The following SHANK2 variants were observed in gnomAD, a reference collection of about 807,000 sequenced individuals.
SHANK2 encodes SH3 and multiple ankyrin repeat domains 2, also known as SH3 and multiple ankyrin repeat domains protein 2.
SHANK2 carries 43 observed loss-of-function variants against 133.7 expected under a neutral mutation model. The ratio of observed to expected loss-of-function variants is 0.32; its 90% CI spans 0.25 to 0.41. The LOEUF (loss-of-function observed/expected upper bound fraction) is 0.41. SHANK2 is among the 10% of genes least tolerant of loss of function. The probability of loss-of-function intolerance (pLI) is 1.00; values close to 1 mark genes in which losing one functional copy is unlikely to be tolerated. For missense variants in SHANK2, 1,994 were observed against 2,235.8 expected (o/e 0.89, Z 2.18); for synonymous variants, 1,017 against 952.8 (o/e 1.07, Z -1.24).
At chr11:70,766,833 G>A (rs1483507068) in intron 14 of SHANK2, among the ~76,000 whole-genome samples, 11 of 152,228 alleles carry the variant, frequency 7.2e-5, no homozygotes, top group Non-Finnish European at 1.6e-4. Flanking sequence ...TGGAAAAGTA[G>A]GCTGCTGGAA....
At chr11:70,670,764 G>A (rs1944784542) in intron 15 of SHANK2, among the ~76,000 whole-genome samples, 1 of 152,226 alleles carries the variant, frequency 6.6e-6, no homozygotes, top group South Asian at 2.1e-4. Flanking sequence ...CGGCCAGCCT[G>A]CTCCTGGGGA....
At chr11:70,919,468 G>A (rs577883611) in intron 10 of SHANK2, among the ~76,000 whole-genome samples, 24 of 151,174 alleles carry the variant, frequency 1.6e-4, no homozygotes, top group Non-Finnish European at 2.5e-4. Flanking sequence ...TGCAACCTCC[G>A]CCTCCCAGGT....
chr11:71,080,818 C>T (rs892990502), intron 8 of SHANK2, among the ~76,000 whole-genome samples: 3 of 152,318 alleles, frequency 2.0e-5, no homozygotes, highest in East Asian at 1.9e-4. Flanking sequence ...CCGCATACCA[C>T]GGTTTTCAAA....
At chr11:70,637,631 G>T (rs1475675373) in intron 17 of SHANK2, among the ~76,000 whole-genome samples, 1 of 152,234 alleles carries the variant, frequency 6.6e-6, no homozygotes, top group African/African-American at 2.4e-5. Context: ...GCTCAGGAAG[G>T]CCGGGGCACA....
intron 17 of SHANK2, among the ~76,000 whole-genome samples, chr11:70,505,858 C>T (rs1052495085): frequency 4.6e-5 from 7 of 151,974 alleles, no homozygotes; most frequent in African/African-American, 7.3e-5. Context: ...CTAACCATCA[C>T]GGCCTTGGGC....
At chr11:71,094,075 C>T (rs1951563892) in intron 7 of SHANK2, among the ~76,000 whole-genome samples, 1 of 152,038 alleles carries the variant, frequency 6.6e-6, no homozygotes, top group African/African-American at 2.4e-5. Context: ...CCATGTGGCT[C>T]TGTGTCCCCT....
chr11:71,107,480 C>T (rs781994635), intron 6 of SHANK2, among the ~76,000 whole-genome samples: 8 of 152,160 alleles, frequency 5.3e-5, no homozygotes, highest in Admixed American at 2.6e-4. Flanking sequence ...GGCTTGTCAT[C>T]GTGGGAATAT....
At chr11:70,531,365 A>G (rs2059467929) in intron 17 of SHANK2, among the ~76,000 whole-genome samples, 2 of 152,084 alleles carry the variant, frequency 1.3e-5, no homozygotes, top group Admixed American at 1.3e-4. Flanking sequence ...GGGGTCTTGG[A>G]GGATCAAATG....
intron 2 of SHANK2, among the ~76,000 whole-genome samples, chr11:71,185,659 G>A (rs527259083): frequency 6.6e-6 from 1 of 152,256 alleles, no homozygotes; most frequent in African/African-American, 2.4e-5. Context: ...GACTGACATG[G>A]TCCTGGGTTG....
chr11:70,502,303 AG>A lies in SHANK2; in HGVS notation c.2198-18del. On this transcript the variant is annotated intron_variant, in intron 18 of 25. Transcript: ENST00000601538. ...GCGGGGGAGCTGGAGGGCAGAGGAG[AG>A]ATGGGTGTGAGACCCCAGCCCATGT... is the stretch of plus-strand genomic sequence containing the variant. 1 of 1,549,902 alleles carries A rather than the reference AG, an allele frequency of 6.5e-7. No individual in the cohort carries two copies.
chr11:70,720,657 C>T (rs1229287425), intron 14 of SHANK2, among the ~76,000 whole-genome samples: 3 of 152,220 alleles, frequency 2.0e-5, no homozygotes, highest in African/African-American at 7.2e-5. Context: ...TCTCTAATTA[C>T]CCAGAAACAT....
At chr11:71,162,303 G>C (rs1953037501) in intron 2 of SHANK2, among the ~76,000 whole-genome samples, 1 of 152,208 alleles carries the variant, frequency 6.6e-6, no homozygotes, top group Non-Finnish European at 1.5e-5. Context: ...CACATGGTGA[G>C]AGGGTGAGAT....
intron 17 of SHANK2, among the ~76,000 whole-genome samples, chr11:70,576,974 G>A (rs919694187): frequency 6.6e-6 from 1 of 152,314 alleles, no homozygotes; most frequent in Non-Finnish European, 1.5e-5. Context: ...CGCAGTTAGC[G>A]GAAGGGGTGG....
intron 2 of SHANK2, among the ~76,000 whole-genome samples, chr11:71,219,893 A>C (rs1224646102): frequency 6.6e-6 from 1 of 151,466 alleles, no homozygotes; most frequent in Non-Finnish European, 1.5e-5. Context: ...GCGAGACTCC[A>C]TCTCAAAAAA....
intron 4 of SHANK2, among the ~76,000 whole-genome samples, chr11:71,116,849 C>T (rs573277851): frequency 1.3e-5 from 2 of 152,252 alleles, no homozygotes; most frequent in Admixed American, 6.5e-5. Context: ...CTCCCCTGCT[C>T]GCTCTCACAC....
At chr11:70,810,296 G>C (rs368059925) in intron 12 of SHANK2, among the ~76,000 whole-genome samples, 5 of 152,222 alleles carry the variant, frequency 3.3e-5, no homozygotes, top group African/African-American at 1.2e-4. Context: ...CCATCTGCAC[G>C]TGTACCAGCA....
chr11:71,153,231 G>C (rs1952831462), intron 2 of SHANK2, among the ~76,000 whole-genome samples: 1 of 150,480 alleles, frequency 6.6e-6, no homozygotes, highest in East Asian at 2.0e-4. Context: ...GATCAGAGGA[G>C]GGGAAGGTTA....
At chr11:71,114,326 T>C (rs1469150278) in intron 4 of SHANK2, among the ~76,000 whole-genome samples, 2 of 151,914 alleles carry the variant, frequency 1.3e-5, no homozygotes, top group Non-Finnish European at 2.9e-5. Flanking sequence ...CGGTTACACA[T>C]GTGCTCAGAG....
At chr11:70,776,807 C>A (rs567213038) in intron 14 of SHANK2, among the ~76,000 whole-genome samples, 9 of 151,868 alleles carry the variant, frequency 5.9e-5, no homozygotes, top group African/African-American at 1.9e-4. Flanking sequence ...TCTATCCTCC[C>A]ACCTGTCCAT....
Sources: gnomAD v4.1 joint callset for allele counts (sites outside exome capture counted in the v4.1 genomes callset) on GRCh38, gnomAD v4.1.1 for gene constraint, MANE v1.5 for transcripts, NCBI Gene and HGNC (gene_info 2026-07-23, HGNC 2026-07-21) for gene names.